The following HECW1 variants were observed in gnomAD, a reference collection of about 807,000 sequenced individuals.
HECW1 encodes HECT, C2 and WW domain containing E3 ubiquitin protein ligase 1.
HECW1 carries 61 observed loss-of-function variants against 182.3 expected under a neutral mutation model. That is an observed-to-expected ratio of 0.33 (90% CI 0.27 to 0.41). HECW1 has a LOEUF of 0.41. HECW1 is among the 10% of genes least tolerant of loss of function. HECW1 has a pLI of 1.00. For synonymous variants in HECW1, 859 were observed against 832.6 expected, an observed-to-expected ratio of 1.03 and a Z score of -0.55; for missense variants, 1,739 against 2,108.9, an observed-to-expected ratio of 0.82 and a Z score of 3.44.
At chr7:43,306,648 T>C (rs1025769435) in intron 3 of HECW1, among the ~76,000 whole-genome samples, 2 of 152,242 alleles carry the variant, frequency 1.3e-5, no homozygotes, top group African/African-American at 4.8e-5. Context: ...TTCTCTATTA[T>C]AGACATGCCT....
rs181977626 is a variant in HECW1 at position 43,389,615 on chromosome 7, G to T, written c.556-7199G>T. Reference sequence around the variant, plus strand: ...TCTTACACATTCTCATCACATTGTTGTTGCTGTTGTTGTTGTTGTTGTTGT... The same window carrying T: ...TCTTACACATTCTCATCACATTGTTTTTGCTGTTGTTGTTGTTGTTGTTGT... On this transcript the variant is annotated intron_variant, in intron 6 of 29. Coordinates refer to ENST00000395891, the MANE Select transcript of HECW1 (RefSeq NM_015052.5). 4.1e-3 allele frequency among the ~76,000 whole-genome samples: 611 copies of T among 149,266 alleles called. 7 individuals carry two copies. The highest frequency in any genetic ancestry group is 0.014 in the African/African-American group (576 of 40,618).
At chr7:43,159,925 C>T (rs370224064) in intron 2 of HECW1, among the ~76,000 whole-genome samples, 50 of 152,220 alleles carry the variant, frequency 3.3e-4, no homozygotes, top group African/African-American at 7.9e-4. Context: ...GTGATCTGCC[C>T]GCCTCGGCCT....
At chr7:43,378,595 G>A (rs1474445881) in intron 6 of HECW1, among the ~76,000 whole-genome samples, 6 of 152,062 alleles carry the variant, frequency 3.9e-5, no homozygotes, top group East Asian at 1.9e-4. Context: ...ACTTGAGGTC[G>A]GGAGTTTGAG....
intron 5 of HECW1, among the ~76,000 whole-genome samples, chr7:43,355,407 T>C (rs1261792517): frequency 6.6e-6 from 1 of 152,116 alleles, no homozygotes; most frequent in Non-Finnish European, 1.5e-5. Flanking sequence ...TATAAAAATA[T>C]GTAAATTGAG....
Position 43,492,196 on chromosome 7 carries a change from G to A in HECW1, c.3340+16G>A. On this transcript the variant is annotated intron_variant, in intron 18 of 29. Transcript: ENST00000395891. Reference sequence around the variant, plus strand: ...TTGCCACTGGGTATGTATCATGCTTGTTTGAGCCCCTGGCTCAAAGAATAG... The same window carrying A: ...TTGCCACTGGGTATGTATCATGCTTATTTGAGCCCCTGGCTCAAAGAATAG... 11 of 1,549,920 alleles carry A rather than the reference G, an allele frequency of 7.1e-6. No individual in the cohort carries two copies. The highest frequency in any genetic ancestry group is 1.4e-5 in the African/African-American group (1 of 71,786).
intron 24 of HECW1, among the ~76,000 whole-genome samples, chr7:43,520,408 G>A (rs2080406739): frequency 6.6e-6 from 1 of 152,016 alleles, no homozygotes; most frequent in Non-Finnish European, 1.5e-5. Flanking sequence ...GCCTCTCCCG[G>A]GCAGCTCCTC....
In HECW1 at chr7:43,311,802, G is replaced by A. The variant is rs529676848; in HGVS notation, c.67G>A (p.Ala23Thr). The A allele has an allele frequency of 1.3e-4, 210 of 1,614,058 alleles. 1 individual carries two copies. The Admixed American group carries it at 2.9e-3, about 22-fold the overall frequency. Residue 23 changes from alanine (A) to threonine (T), a missense_variant, in exon 4 of 30, where the codon GCG (alanine) becomes ACG (threonine). Transcript: ENST00000395891. The part of the protein sequence containing the change: ...QNRFLGLAAM[A>T]SPSRNSQSRR... ...CAGGTTTTTAGGCCTGGCCGCCATG[G>A]CGTCTCCTTCTAGAAACTCCCAGAG...
chr7:43,483,694 G>A (rs139748230), intron 17 of HECW1, among the ~76,000 whole-genome samples: 269 of 151,718 alleles, frequency 1.8e-3, no homozygotes, highest in African/African-American at 5.8e-3. Context: ...GATTACAGGC[G>A]TGCACCACCA....
chr7:43,456,470 G>A, intron 13 of HECW1, 23 bp downstream of exon 13: 1 of 1,608,012 alleles, frequency 6.2e-7, no homozygotes, highest in South Asian at 1.1e-5. Context: ...TATGCAATGA[G>A]CTCCCCTAAA....
chr7:43,508,902 G>T (rs1327191986), intron 23 of HECW1, 67 bp from the exon 24 acceptor site: 1 of 1,556,372 alleles, frequency 6.4e-7, no homozygotes, highest in Non-Finnish European at 8.7e-7. Context: ...ACTAGAATCT[G>T]GGTGCAAACA....
intron 21 of HECW1, 50 bp from the exon 22 acceptor site, chr7:43,507,081 AAAGAAG>A (rs546649258): frequency 2.5e-5 from 40 of 1,575,964 alleles, no homozygotes; most frequent in South Asian, 1.0e-4. Flanking sequence ...AAAAAGAAAA[AAAGAAG>A]AAGAAGAAGA....
At chr7:43,357,855 C>T (rs1006531149) in intron 5 of HECW1, among the ~76,000 whole-genome samples, 9 of 152,062 alleles carry the variant, frequency 5.9e-5, no homozygotes, top group Non-Finnish European at 1.0e-4. Flanking sequence ...TGTATTCAAT[C>T]ATCACATGTA....
intron 5 of HECW1, among the ~76,000 whole-genome samples, chr7:43,334,146 A>T (rs1264120573): frequency 6.6e-6 from 1 of 152,224 alleles, no homozygotes; most frequent in Non-Finnish European, 1.5e-5. Context: ...AGCTTCAGAA[A>T]GTCCTGCCTG....
chr7:43,347,608 C>T (rs1197696942), intron 5 of HECW1, among the ~76,000 whole-genome samples: 2 of 151,954 alleles, frequency 1.3e-5, no homozygotes, highest in African/African-American at 4.8e-5. Context: ...TTCCAGTTCT[C>T]GGAGGGACTG....
At chr7:43,320,981 G>T (rs1374191670) in intron 5 of HECW1, among the ~76,000 whole-genome samples, 2 of 152,180 alleles carry the variant, frequency 1.3e-5, no homozygotes, top group Non-Finnish European at 2.9e-5. Flanking sequence ...GAAAGAGTTG[G>T]TTCCTATTCA....
intron 2 of HECW1, among the ~76,000 whole-genome samples, chr7:43,221,518 T>C (rs1313903224): frequency 7.3e-6 from 1 of 137,714 alleles, no homozygotes; most frequent in African/African-American, 2.6e-5. Context: ...TTTGCTAAAC[T>C]AAATGTCAGA....
At chr7:43,178,485 A>G (rs1792485054) in intron 2 of HECW1, among the ~76,000 whole-genome samples, 1 of 152,228 alleles carries the variant, frequency 6.6e-6, no homozygotes, top group African/African-American at 2.4e-5. Flanking sequence ...GTAACATGAA[A>G]GAAAGTGCCA....
intron 19 of HECW1, among the ~76,000 whole-genome samples, chr7:43,494,528 G>A (rs1291812874): frequency 6.8e-6 from 1 of 147,938 alleles, no homozygotes; most frequent in South Asian, 2.1e-4. Flanking sequence ...TTTTGAGACA[G>A]AGTCTTGCTC....
chr7:43,170,933 G>T (rs1791621025), intron 2 of HECW1, among the ~76,000 whole-genome samples: 1 of 152,156 alleles, frequency 6.6e-6, no homozygotes, highest in Non-Finnish European at 1.5e-5. Context: ...TGTGCAAAAG[G>T]TTAGGCAGCC....
Sources: gnomAD v4.1 joint callset for allele counts (sites outside exome capture counted in the v4.1 genomes callset) on GRCh38, gnomAD v4.1.1 for gene constraint, MANE v1.5 for transcripts, NCBI Gene and HGNC (gene_info 2026-07-23, HGNC 2026-07-21) for gene names.